FYB2: variants seen among roughly 807,000 people sequenced by gnomAD.
The protein encoded by FYB2 is FYN-binding protein 2.
Under a neutral mutation model 94.1 loss-of-function variants are expected in FYB2, and 103 were observed. The observed-to-expected ratio is 1.09, with a 90% confidence interval of 0.93 to 1.29. The LOEUF is 1.29. Ranked by LOEUF, FYB2 falls within the 50% of genes most tolerant of loss-of-function variation. FYB2 has a pLI of 0.00. For synonymous variants in FYB2, 293 were observed against 287.9 expected (o/e 1.02, Z -0.18); for missense variants, 896 against 841.5 (o/e 1.06, Z -0.80).
At chr1:56,817,604 C>T (rs1646912904) in intron 1 of FYB2, among the ~76,000 whole-genome samples, 1 of 152,186 alleles carries the variant, frequency 6.6e-6, no homozygotes, top group Admixed American at 6.5e-5. Context: ...AAAGCAGGAC[C>T]TGACCACACA....
Position 56,758,706 on chromosome 1 carries a change from GA to G in FYB2, c.1098+9del. On this transcript the variant is annotated intron_variant, in intron 6 of 19. Coordinates refer to ENST00000343433, the MANE Select transcript of FYB2 (RefSeq NM_001004303.5). ...CTTTTAGTTACAATGTTGGTAAGGAGAAACAATACCTTTTGGAGTTCTTCAA... is the reference window on the plus strand; with the variant it reads ...CTTTTAGTTACAATGTTGGTAAGGAGAACAATACCTTTTGGAGTTCTTCAA... 1 of 1,584,016 alleles carries G rather than the reference GA, an allele frequency of 6.3e-7. No homozygotes were observed. The highest frequency in any genetic ancestry group is 8.6e-7 in the Non-Finnish European group (1 of 1,161,922).
chr1:56,826,633 AC>A, the FYB2 span: 1 of 152,274 alleles, frequency 6.6e-6, no homozygotes, highest in Non-Finnish European at 1.5e-5. Context: ...TTCTCTGATG[AC>A]AGCAGAAGGT....
At chr1:56,818,455 A>AACACACACACACAC (rs3991685) in intron 1 of FYB2, among the ~76,000 whole-genome samples, 2 of 139,874 alleles carry the variant, frequency 1.4e-5, no homozygotes, top group East Asian at 2.2e-4. Flanking sequence ...GTATGGAAGC[A>AACACACACACACAC]ACACACACAC....
At chr1:56,791,180 A>AT (rs1182881709) in intron 2 of FYB2, among the ~76,000 whole-genome samples, 3 of 151,316 alleles carry the variant, frequency 2.0e-5, no homozygotes, top group East Asian at 1.9e-4. Flanking sequence ...CATTCAACAA[A>AT]TTTTTTTTTA....
At chr1:56,826,266 T>C in the FYB2 span, among the ~76,000 whole-genome samples, 2 of 152,182 alleles carry the variant, frequency 1.3e-5, no homozygotes, top group African/African-American at 4.8e-5. Flanking sequence ...TGAGTCTTCT[T>C]AGTTTTACCT....
intron 5 of FYB2, among the ~76,000 whole-genome samples, chr1:56,764,309 C>T (rs1194102631): frequency 6.6e-6 from 1 of 152,106 alleles, no homozygotes; most frequent in Non-Finnish European, 1.5e-5. Flanking sequence ...TCTCCAAGTA[C>T]TTCTTCAGTC....
chr1:56,799,566 A>G (rs1322930726), intron 1 of FYB2, among the ~76,000 whole-genome samples: 1 of 152,212 alleles, frequency 6.6e-6, no homozygotes, highest in Non-Finnish European at 1.5e-5. Context: ...GTGACCATGT[A>G]TCTTGGGTTT....
chr1:56,822,097 C>T (rs575219223), upstream of FYB2, among the ~76,000 whole-genome samples: 40 of 152,328 alleles, frequency 2.6e-4, no homozygotes, highest in African/African-American at 9.6e-4. Context: ...AAATGACTGA[C>T]TGAGCACCTA....
the FYB2 span, among the ~76,000 whole-genome samples, chr1:56,826,356 C>A: frequency 6.6e-6 from 1 of 152,228 alleles, no homozygotes; most frequent in African/African-American, 2.4e-5. Context: ...CCTACAGGGG[C>A]AAGTCCAAAT....
intron 1 of FYB2, among the ~76,000 whole-genome samples, chr1:56,817,143 C>T (rs528537167): frequency 4.6e-4 from 70 of 152,272 alleles, no homozygotes; most frequent in Non-Finnish European, 3.8e-4. Flanking sequence ...CTCTCCATTT[C>T]GCTCAGAGGA....
At chr1:56,746,514 G>A (rs771047130) in intron 9 of FYB2, among the ~76,000 whole-genome samples, 6 of 151,626 alleles carry the variant, frequency 4.0e-5, no homozygotes, top group Admixed American at 1.3e-4. Flanking sequence ...TAATACCAGC[G>A]GTACTTATTT....
chr1:56,792,259 T>G lies in FYB2; in HGVS notation c.554A>C (p.Lys185Thr). Residue 185 changes from lysine to threonine, a missense_variant, in exon 2 of 20, where the codon AAG (lysine) becomes ACG (threonine). Lys to Thr is a moderately conservative substitution (Grantham distance 78, BLOSUM62 -1). Coordinates refer to ENST00000343433, the MANE Select transcript of FYB2 (RefSeq NM_001004303.5). ...MGLTPEEPRK[K>T]LETKGAQTLP... ...AGTCTGGGCTCCTTTTGTTTCCAGC[T>G]TTTTCCTGGGTTCCTCTGGAGTAAG... 6.2e-7 allele frequency: 1 copy of G among 1,612,124 alleles called. No individual in the cohort carries two copies. The highest frequency in any genetic ancestry group is 1.1e-5 in the South Asian group (1 of 90,616).
intron 1 of FYB2, among the ~76,000 whole-genome samples, chr1:56,808,209 G>A (rs1027132535): frequency 1.3e-5 from 2 of 152,204 alleles, no homozygotes; most frequent in Non-Finnish European, 2.9e-5. Context: ...ATTAAAGCTG[G>A]AGGGTTCAAG....
At chr1:56,820,030 C>T (rs867152489), upstream of FYB2, among the ~76,000 whole-genome samples, 1 of 151,764 alleles carries the variant, frequency 6.6e-6, no homozygotes. Flanking sequence ...GAGTTTGAGA[C>T]CAGCGTGGCC....
At chr1:56,756,425 C>A (rs1400731370) in intron 6 of FYB2, among the ~76,000 whole-genome samples, 1 of 151,894 alleles carries the variant, frequency 6.6e-6, no homozygotes, top group African/African-American at 2.4e-5. Context: ...CAATGTAGCC[C>A]CTCATTTATT....
intron 7 of FYB2, among the ~76,000 whole-genome samples, chr1:56,754,608 A>G (rs1049155882): frequency 2.0e-5 from 3 of 152,112 alleles, no homozygotes; most frequent in Non-Finnish European, 4.4e-5. Context: ...TGTGTAATCC[A>G]TGATAGGAAA....
chr1:56,795,861 T>C (rs12239434), intron 1 of FYB2, among the ~76,000 whole-genome samples: 1,768 of 152,308 alleles, frequency 0.012, 35 homozygotes, highest in African/African-American at 0.04. Flanking sequence ...CAAGGTCCTG[T>C]GCAAGGATCA....
intron 1 of FYB2, among the ~76,000 whole-genome samples, chr1:56,795,944 C>T (rs1441201475): frequency 1.3e-5 from 2 of 152,182 alleles, no homozygotes; most frequent in Non-Finnish European, 2.9e-5. Flanking sequence ...TAAGTATCTA[C>T]ATACAGACCA....
intron 1 of FYB2, among the ~76,000 whole-genome samples, chr1:56,801,662 C>T (rs1436557211): frequency 6.6e-6 from 1 of 152,220 alleles, no homozygotes. Flanking sequence ...ATCTTACCCA[C>T]TTGCCTTTTC....
Sources: gnomAD v4.1 joint callset for allele counts (sites outside exome capture counted in the v4.1 genomes callset) on GRCh38, gnomAD v4.1.1 for gene constraint, MANE v1.5 for transcripts, NCBI Gene and HGNC (gene_info 2026-07-23, HGNC 2026-07-21) for gene names.